The following PRR16 variants were observed in gnomAD, a reference collection of about 807,000 sequenced individuals.
The protein encoded by PRR16 is protein Largen.
Under a neutral mutation model 18.2 loss-of-function variants are expected in PRR16, and 6 were observed. The ratio of observed to expected loss-of-function variants is 0.33; its 90% confidence interval spans 0.18 to 0.65. PRR16 has a LOEUF of 0.65. Among genes scored for constraint, PRR16 ranks in the 30% least tolerant of loss-of-function variants. PRR16 has a pLI of 0.74. For missense variants in PRR16, 412 were observed against 376.6 expected (o/e 1.09, Z -0.78); for synonymous variants, 151 against 147.8 (o/e 1.02, Z -0.16).
intron 1 of PRR16, among the ~76,000 whole-genome samples, chr5:120,531,800 T>A (rs1207172475): frequency 6.6e-6 from 1 of 152,154 alleles, no homozygotes; most frequent in African/African-American, 2.4e-5. Context: ...AAATATTTAA[T>A]TTGTACAATA....
chr5:120,674,792 T>A (rs1241120332), intron 1 of PRR16, among the ~76,000 whole-genome samples: 1 of 151,890 alleles, frequency 6.6e-6, no homozygotes. Context: ...TTTTGCTCTA[T>A]GTCTTTTAAC....
chr5:120,576,558 T>C (rs1561554126), intron 1 of PRR16, among the ~76,000 whole-genome samples: 1 of 152,196 alleles, frequency 6.6e-6, no homozygotes, highest in Non-Finnish European at 1.5e-5. Flanking sequence ...CCTTATACTC[T>C]GCTGGCGGAA....
chr5:120,466,383 C>A (rs1486725413), intron 1 of PRR16, among the ~76,000 whole-genome samples: 2 of 152,214 alleles, frequency 1.3e-5, no homozygotes, highest in African/African-American at 2.4e-5. Flanking sequence ...GGAAAACCTA[C>A]AGCGGCACAG....
At chr5:120,781,448 C>T in the PRR16 span, 4 of 152,070 alleles carry the variant, frequency 2.6e-5, no homozygotes, top group Admixed American at 1.3e-4. Flanking sequence ...TGGTAATAAA[C>T]TAGAGGAAAC....
intron 1 of PRR16, among the ~76,000 whole-genome samples, chr5:120,524,777 C>A (rs910697026): frequency 1.3e-5 from 2 of 151,838 alleles, no homozygotes; most frequent in African/African-American, 4.8e-5. Flanking sequence ...ATGCCTGTGT[C>A]AAAATATCTT....
chr5:120,615,324 T>C (rs1754469912), intron 1 of PRR16, among the ~76,000 whole-genome samples: 2 of 151,470 alleles, frequency 1.3e-5, no homozygotes, highest in African/African-American at 4.8e-5. Flanking sequence ...AAGAGGAAAA[T>C]CTATATTCTC....
At chr5:120,764,477 T>C in the PRR16 span, among the ~76,000 whole-genome samples, 3 of 152,048 alleles carry the variant, frequency 2.0e-5, no homozygotes, top group South Asian at 6.2e-4. Flanking sequence ...TTGTTGAAGA[T>C]TTTTTGTGTC....
At chr5:120,652,914 C>G (rs1167423124) in intron 1 of PRR16, among the ~76,000 whole-genome samples, 3 of 151,874 alleles carry the variant, frequency 2.0e-5, no homozygotes, top group African/African-American at 7.3e-5. Flanking sequence ...TGTTAACTCT[C>G]TGGACTATTT....
the PRR16 span, among the ~76,000 whole-genome samples, chr5:120,712,180 A>G: frequency 1.6e-4 from 24 of 152,176 alleles, no homozygotes; most frequent in African/African-American, 5.1e-4. Flanking sequence ...AATTTTACAT[A>G]TCCATCACCT....
chr5:120,505,038 C>T (rs1016577618), intron 1 of PRR16, among the ~76,000 whole-genome samples: 1 of 152,118 alleles, frequency 6.6e-6, no homozygotes, highest in Non-Finnish European at 1.5e-5. Context: ...GGAATATAAT[C>T]TGGGGAATCA....
At chr5:120,568,844 A>G (rs758668990) in intron 1 of PRR16, among the ~76,000 whole-genome samples, 2 of 152,124 alleles carry the variant, frequency 1.3e-5, no homozygotes, top group Non-Finnish European at 2.9e-5. Context: ...TTTTTGTGAA[A>G]TGAATTTAGC....
chr5:120,755,282 T>C, the PRR16 span, among the ~76,000 whole-genome samples: 1 of 152,108 alleles, frequency 6.6e-6, no homozygotes, highest in Admixed American at 6.6e-5. Flanking sequence ...TGGCCTCTTA[T>C]GTGGATATAT....
chr5:120,589,124 G>A (rs78927790), intron 1 of PRR16, among the ~76,000 whole-genome samples: 9,167 of 152,110 alleles, frequency 0.06, 383 homozygotes, highest in South Asian at 0.084. Context: ...GATTAAATGA[G>A]TAAGCTTTTT....
At chr5:120,588,871 A>G (rs1753539395) in intron 1 of PRR16, among the ~76,000 whole-genome samples, 1 of 152,056 alleles carries the variant, frequency 6.6e-6, no homozygotes, top group African/African-American at 2.4e-5. Context: ...GGACAATCCA[A>G]TCTTTAATTT....
chr5:120,759,255 C>T, the PRR16 span, among the ~76,000 whole-genome samples: 13 of 151,958 alleles, frequency 8.6e-5, no homozygotes, highest in African/African-American at 2.9e-4. Flanking sequence ...GGATTACAGG[C>T]GTGAGCCACC....
At chr5:120,591,306 A>T (rs990814392) in intron 1 of PRR16, among the ~76,000 whole-genome samples, 1 of 151,998 alleles carries the variant, frequency 6.6e-6, no homozygotes, top group Non-Finnish European at 1.5e-5. Context: ...AATAAATAAA[A>T]AATAATTGTA....
At chr5:120,625,885 G>A (rs1007448550) in intron 1 of PRR16, among the ~76,000 whole-genome samples, 2 of 152,082 alleles carry the variant, frequency 1.3e-5, no homozygotes, top group Non-Finnish European at 2.9e-5. Context: ...TTATTTATAA[G>A]GATCCATTAT....
At chr5:120,654,801 GT>G (rs1023164360) in intron 1 of PRR16, among the ~76,000 whole-genome samples, 109 of 151,724 alleles carry the variant, frequency 7.2e-4, no homozygotes, top group African/African-American at 2.6e-3. Context: ...GAGTTGAATG[GT>G]AAAAGCCCTA....
chr5:120,555,163 A>T (rs1489132760), intron 1 of PRR16, among the ~76,000 whole-genome samples: 3 of 151,908 alleles, frequency 2.0e-5, no homozygotes, highest in Non-Finnish European at 4.4e-5. Context: ...ATTCTTATTC[A>T]TGGGAAGGCA....
Sources: gnomAD v4.1 joint callset for allele counts (sites outside exome capture counted in the v4.1 genomes callset) on GRCh38, gnomAD v4.1.1 for gene constraint, MANE v1.5 for transcripts, NCBI Gene and HGNC (gene_info 2026-07-23, HGNC 2026-07-21) for gene names.